The following ERP44 variants were observed in gnomAD, a reference collection of about 807,000 sequenced individuals.
ERP44 encodes endoplasmic reticulum resident protein 44.
A neutral mutation model predicts 53.4 loss-of-function variants in ERP44; 25 were observed. The observed-to-expected ratio is 0.47, with a 90% CI of 0.34 to 0.65. The LOEUF (loss-of-function observed/expected upper bound fraction) is 0.65, where lower values mean the gene tolerates loss of function less well. ERP44 is among the 30% of genes least tolerant of loss of function. The probability of loss-of-function intolerance (pLI) is 0.01; values close to 1 mark genes in which losing one functional copy is unlikely to be tolerated. For missense variants in ERP44, 338 were observed against 493.2 expected (o/e 0.69, Z 2.98); for synonymous variants, 145 against 161.2 (o/e 0.90, Z 0.76).
At chr9:99,996,128 C>T (rs1001270697) in intron 10 of ERP44, among the ~76,000 whole-genome samples, 1 of 151,848 alleles carries the variant, frequency 6.6e-6, no homozygotes, top group Non-Finnish European at 1.5e-5. Flanking sequence ...AAATTTTATC[C>T]CCAACATGGA....
chr9:100,031,897 C>T (rs1425391914), intron 4 of ERP44, among the ~76,000 whole-genome samples: 1 of 152,124 alleles, frequency 6.6e-6, no homozygotes, highest in Admixed American at 6.5e-5. Context: ...ATTATGTTAT[C>T]TGACGTTTTT....
chr9:100,049,353 G>C (rs1826012043), intron 4 of ERP44, among the ~76,000 whole-genome samples: 1 of 152,174 alleles, frequency 6.6e-6, no homozygotes, highest in Non-Finnish European at 1.5e-5. Flanking sequence ...AGCCAAGATT[G>C]TGCCACTGCA....
intron 8 of ERP44, among the ~76,000 whole-genome samples, chr9:100,012,643 C>A (rs957171753): frequency 6.6e-5 from 10 of 151,956 alleles, no homozygotes; most frequent in African/African-American, 2.2e-4. Context: ...CAAAAATGTA[C>A]CATGCTGACA....
chr9:100,030,240 A>G (rs921620673), intron 4 of ERP44, among the ~76,000 whole-genome samples: 12 of 152,146 alleles, frequency 7.9e-5, no homozygotes, highest in African/African-American at 2.9e-4. Flanking sequence ...TTCTTTCTTG[A>G]GATCCAAGAA....
In ERP44 at chr9:100,018,238, T is replaced by C. The variant is rs371695398; in HGVS notation, c.645+18A>G. 5 of 1,517,652 alleles carry C rather than the reference T, an allele frequency of 3.3e-6. No individual in the cohort carries two copies. The African/African-American group carries it at 5.5e-5, about 17-fold the overall frequency. The allele number at this position is 1,517,652 out of a possible 1,614,324, so 94.0% of individuals were successfully genotyped here. A position where few individuals can be genotyped will look rare whatever the true frequency, so the allele number is the denominator to read the frequency against. On this transcript the variant is annotated intron_variant, in intron 7 of 11. Transcript: ENST00000262455. ...TAAATTATATCTTATCATACAACAT[T>C]AAGAAATAGCAACTTACCCCTGGTG... is the stretch of plus-strand genomic sequence containing the variant.
intron 4 of ERP44, among the ~76,000 whole-genome samples, chr9:100,036,125 C>G (rs145385311): frequency 2.6e-5 from 4 of 152,306 alleles, no homozygotes; most frequent in Non-Finnish European, 4.4e-5. Flanking sequence ...TTCACAATAG[C>G]AAAACCACAG....
At chr9:100,066,014 G>A (rs1055710096) in intron 1 of ERP44, among the ~76,000 whole-genome samples, 4 of 152,182 alleles carry the variant, frequency 2.6e-5, no homozygotes, top group Admixed American at 2.0e-4. Context: ...GTATCACCTA[G>A]GAGCTTGTGA....
intron 3 of ERP44, among the ~76,000 whole-genome samples, chr9:100,057,327 A>G (rs1826096485): frequency 6.6e-6 from 1 of 152,200 alleles, no homozygotes; most frequent in Admixed American, 6.5e-5. Flanking sequence ...CTCTGCCCTC[A>G]AAGTTTGTTT....
chr9:100,007,810 A>G lies in ERP44; in HGVS notation c.763-121T>C, dbSNP rs539856732. On this transcript the variant is annotated intron_variant, in intron 8 of 11. Coordinates refer to ENST00000262455, the MANE Select transcript of ERP44 (RefSeq NM_015051.3). Reference sequence around the variant, plus strand: ...TGCAATAGTTGCAATATCCCGGGGGAAAAAAAAGGCCCAGTGGTGTGAATA... The same window carrying G: ...TGCAATAGTTGCAATATCCCGGGGGGAAAAAAAGGCCCAGTGGTGTGAATA... 1.0e-4 allele frequency: 64 copies of G among 631,038 alleles called. 1 individual carries two copies. In the Middle Eastern group the frequency reaches 1.3e-3, roughly 13 times the overall value. 39.1% of individuals were successfully genotyped at this position (631,038 alleles called of 1,614,324 possible). A position where few individuals can be genotyped will look rare whatever the true frequency, so the allele number is the denominator to read the frequency against.
intron 10 of ERP44, among the ~76,000 whole-genome samples, chr9:99,997,982 C>G (rs1471224334): frequency 1.3e-5 from 2 of 152,046 alleles, no homozygotes; most frequent in Non-Finnish European, 2.9e-5. Context: ...TCAGGACTTG[C>G]ACTGATCCAA....
intron 1 of ERP44, among the ~76,000 whole-genome samples, chr9:100,087,022 A>C (rs1349238679): frequency 2.0e-5 from 3 of 149,936 alleles, no homozygotes; most frequent in African/African-American, 7.6e-5. Flanking sequence ...TAAAAAAAAA[A>C]ACTTTGCAGT....
In ERP44 at chr9:100,091,460, G is replaced by T. The variant is rs544010211; in HGVS notation, c.57+7324C>A. 7.2e-5 allele frequency among the ~76,000 whole-genome samples: 11 copies of T among 152,246 alleles called. No individual in the cohort carries two copies. In the South Asian group the frequency reaches 2.3e-3, roughly 32 times the overall value. On this transcript the variant is annotated intron_variant, in intron 1 of 11. Transcript: ENST00000262455. ...GTTGATAACAAACTGTTTTAATGAA[G>T]TTGGCCAAAGGGTTTGCCAGCTTCT...
chr9:100,051,688 G>A (rs1262804844), intron 4 of ERP44, among the ~76,000 whole-genome samples: 1 of 152,164 alleles, frequency 6.6e-6, no homozygotes, highest in Non-Finnish European at 1.5e-5. Context: ...AATACAATGA[G>A]TTTAGCACGA....
chr9:99,984,731 G>T (rs1437644479), intron 11 of ERP44, among the ~76,000 whole-genome samples: 3 of 152,116 alleles, frequency 2.0e-5, no homozygotes, highest in Non-Finnish European at 4.4e-5. Context: ...ATTCCACAGA[G>T]GTCACATCAG....
intron 4 of ERP44, among the ~76,000 whole-genome samples, chr9:100,035,810 A>T (rs947437080): frequency 6.6e-6 from 1 of 152,210 alleles, no homozygotes; most frequent in African/African-American, 2.4e-5. Context: ...TATTATCGCT[A>T]ATCATCAAAG....
intron 4 of ERP44, among the ~76,000 whole-genome samples, chr9:100,047,616 C>T (rs910602156): frequency 1.6e-4 from 24 of 152,266 alleles, no homozygotes; most frequent in African/African-American, 5.8e-4. Context: ...ACTCTCTAAA[C>T]ACTCTAAAAC....
intron 4 of ERP44, among the ~76,000 whole-genome samples, chr9:100,051,735 G>A (rs1444638364): frequency 6.6e-6 from 1 of 152,156 alleles, no homozygotes; most frequent in African/African-American, 2.4e-5. Context: ...GGAACACACA[G>A]GAGGAAACAC....
chr9:100,010,849 C>T (rs968422788), intron 8 of ERP44, among the ~76,000 whole-genome samples: 5 of 146,618 alleles, frequency 3.4e-5, no homozygotes, highest in African/African-American at 5.0e-5. Context: ...TACAGTGAGC[C>T]GAGATCGCAC....
chr9:100,006,735 T>TA (rs1368511932), intron 9 of ERP44, 88 bp from the exon 10 acceptor site: 387 of 890,102 alleles, frequency 4.3e-4, no homozygotes, highest in Non-Finnish European at 5.3e-4. Flanking sequence ...AGTGACATAC[T>TA]AAAAAAAAAG....
Sources: allele counts gnomAD v4.1 joint callset (sites outside exome capture counted in the v4.1 genomes callset), GRCh38; gene constraint gnomAD v4.1.1; transcripts MANE v1.5; gene names NCBI Gene and HGNC (gene_info 2026-07-23, HGNC 2026-07-21).